GALNTL6: variants seen among roughly 807,000 people sequenced by gnomAD.
GALNTL6 encodes the protein polypeptide N-acetylgalactosaminyltransferase-like 6.
Under a neutral mutation model 73.7 loss-of-function variants are expected in GALNTL6, and 46 were observed. The ratio of observed to expected loss-of-function variants is 0.62; its 90% CI spans 0.49 to 0.80. GALNTL6 has a LOEUF of 0.80. Ranked by LOEUF, GALNTL6 falls within the 30% of genes least tolerant of loss-of-function variation. The pLI is 0.00. For synonymous variants in GALNTL6, 259 were observed against 263.7 expected, an observed-to-expected ratio of 0.98 and a Z score of 0.17; for missense variants, 604 against 755.0, an observed-to-expected ratio of 0.80 and a Z score of 2.34.
chr4:172,809,597 C>T lies in GALNTL6; in HGVS notation c.739+51C>T, dbSNP rs558173803. 1.5e-5 allele frequency: 21 copies of T among 1,437,658 alleles called. No individual in the cohort carries two copies. Among genetic ancestry groups the T allele is most frequent in the Admixed American group, 8.7e-5 (4 of 45,774 alleles). 89.1% of individuals were successfully genotyped at this position (1,437,658 alleles called of 1,614,324 possible). On this transcript the variant is annotated intron_variant, in intron 6 of 12. Transcript: ENST00000506823. This position sits in a 1 kb window ranked among gnomAD's most constrained non-coding sequence, Gnocchi z 4.4. ...CCTGGGATGCCTCAGGGGAACTGAG[C>T]GGTTTGCTTCTATTTAGTTTGCAAT...
chr4:172,179,886 A>T (rs1244039637), intron 2 of GALNTL6, among the ~76,000 whole-genome samples: 1 of 152,156 alleles, frequency 6.6e-6, no homozygotes, highest in Non-Finnish European at 1.5e-5. Context: ...TGCTATTGTG[A>T]ACAGTGCTGC....
At chr4:172,216,464 C>T (rs1293744609) in intron 2 of GALNTL6, among the ~76,000 whole-genome samples, 1 of 152,064 alleles carries the variant, frequency 6.6e-6, no homozygotes, top group Non-Finnish European at 1.5e-5. Context: ...CCTTCCCACC[C>T]ACTCTGACTT....
At chr4:172,186,350 T>C (rs1031760141) in intron 2 of GALNTL6, among the ~76,000 whole-genome samples, 4 of 152,174 alleles carry the variant, frequency 2.6e-5, no homozygotes, top group African/African-American at 9.6e-5. Flanking sequence ...TCAGCCACTG[T>C]AGAGAAAAGT....
chr4:172,003,626 A>G (rs536837925), intron 2 of GALNTL6, among the ~76,000 whole-genome samples: 2 of 152,112 alleles, frequency 1.3e-5, no homozygotes, highest in Non-Finnish European at 2.9e-5. Flanking sequence ...CCAATTTTCT[A>G]TGTCAGATAA....
chr4:172,642,367 T>TTA (rs140234284), intron 5 of GALNTL6, among the ~76,000 whole-genome samples: 85 of 152,032 alleles, frequency 5.6e-4, no homozygotes, highest in Admixed American at 3.3e-4. Context: ...AAAATGGTCA[T>TTA]TATATATATA....
chr4:172,858,388 G>A (rs1186122628), intron 7 of GALNTL6, among the ~76,000 whole-genome samples: 1 of 152,106 alleles, frequency 6.6e-6, no homozygotes, highest in Non-Finnish European at 1.5e-5. Flanking sequence ...AAGGTAAGGG[G>A]ACAGACATTA....
chr4:172,233,292 G>A (rs1168400643), intron 3 of GALNTL6, among the ~76,000 whole-genome samples: 1 of 151,440 alleles, frequency 6.6e-6, no homozygotes, highest in African/African-American at 2.4e-5. Context: ...AAGATCACTT[G>A]AGCCTGGAAT....
intron 3 of GALNTL6, among the ~76,000 whole-genome samples, chr4:172,231,532 T>C (rs1737070443): frequency 6.6e-6 from 1 of 152,178 alleles, no homozygotes; most frequent in Non-Finnish European, 1.5e-5. Flanking sequence ...TGTCAAATAA[T>C]AATAATTGGA....
At chr4:172,162,408 G>A (rs1734499042) in intron 2 of GALNTL6, among the ~76,000 whole-genome samples, 2 of 151,816 alleles carry the variant, frequency 1.3e-5, no homozygotes, top group Admixed American at 1.3e-4. Context: ...AATGTAAGGA[G>A]GATATTACAG....
At chr4:171,932,325 T>C (rs1016371734) in intron 2 of GALNTL6, among the ~76,000 whole-genome samples, 1 of 152,222 alleles carries the variant, frequency 6.6e-6, no homozygotes. Flanking sequence ...ATACATAACC[T>C]GGTACGTGCC....
intron 2 of GALNTL6, among the ~76,000 whole-genome samples, chr4:172,065,190 T>C (rs1235451923): frequency 6.6e-6 from 1 of 152,076 alleles, no homozygotes; most frequent in Non-Finnish European, 1.5e-5. Flanking sequence ...AGTTTCAAGA[T>C]AAAACTGCTT....
At chr4:172,663,699 C>T (rs1045901405) in intron 5 of GALNTL6, among the ~76,000 whole-genome samples, 5 of 152,108 alleles carry the variant, frequency 3.3e-5, no homozygotes, top group African/African-American at 1.2e-4. Context: ...GAGGCTGAGG[C>T]GGGTGGCTCA....
At chr4:172,583,464 A>G (rs1404542509) in intron 5 of GALNTL6, among the ~76,000 whole-genome samples, 1 of 152,236 alleles carries the variant, frequency 6.6e-6, no homozygotes, top group African/African-American at 2.4e-5. Context: ...TCTATGAGGC[A>G]GCTAATATTA....
intron 2 of GALNTL6, among the ~76,000 whole-genome samples, chr4:172,026,111 A>G (rs952989717): frequency 9.9e-5 from 15 of 152,050 alleles, no homozygotes; most frequent in Non-Finnish European, 2.1e-4. Context: ...CTAGATTTTT[A>G]AAAAATAAAG....
intron 2 of GALNTL6, among the ~76,000 whole-genome samples, chr4:171,901,217 G>C (rs1737083552): frequency 6.6e-6 from 1 of 152,180 alleles, no homozygotes; most frequent in Admixed American, 6.5e-5. Flanking sequence ...TATTTAAGAA[G>C]ATTGGGAAGG....
rs1734470115 is a variant in GALNTL6, at chr4:171,814,594, A to G, written c.14A>G (p.Gln5Arg). 3 of 1,614,058 alleles carry G rather than the reference A, an allele frequency of 1.9e-6. No individual in the cohort carries two copies. Among genetic ancestry groups the G allele is most frequent in the Non-Finnish European group, 2.5e-6 (3 of 1,179,990 alleles). ...TTACCATTTGCAATGAAGAGGAAAC[A>G]GAAGAGATTTCTGCAGATGACTTTG... MKRKQKRFLQMTLLF... is the reference protein window; with the variant it reads MKRKRKRFLQMTLLF... Residue 5 changes from glutamine (Q) to arginine (R), a missense_variant, in exon 2 of 13, where the codon CAG (glutamine) becomes CGG (arginine). Physicochemically the swap from Gln to Arg is conservative, Grantham distance 43. This residue lies in a region of GALNTL6 where 141 missense variants were observed against 156.6 expected (regional missense o/e 0.90). Transcript: ENST00000506823.
At chr4:172,333,726 G>A (rs1741211738) in intron 4 of GALNTL6, among the ~76,000 whole-genome samples, 1 of 152,112 alleles carries the variant, frequency 6.6e-6, no homozygotes, top group South Asian at 2.1e-4. Flanking sequence ...TTTGTCACCT[G>A]CGCTTTTGAG....
intron 2 of GALNTL6, among the ~76,000 whole-genome samples, chr4:171,988,827 G>A (rs1301709797): frequency 6.6e-6 from 1 of 152,116 alleles, no homozygotes; most frequent in Non-Finnish European, 1.5e-5. Flanking sequence ...GGTAAGGGGG[G>A]CATGATCGGT....
At chr4:172,093,959 A>G (rs1056637725) in intron 2 of GALNTL6, among the ~76,000 whole-genome samples, 1 of 152,172 alleles carries the variant, frequency 6.6e-6, no homozygotes, top group Non-Finnish European at 1.5e-5. Context: ...AATAAAGTGC[A>G]CAATAAATAT....
Sources: gnomAD v4.1 joint callset for allele counts (sites outside exome capture counted in the v4.1 genomes callset) on GRCh38, gnomAD v4.1.1 for gene constraint, gnomAD v4.1.1 regional missense constraint, Gnocchi (gnomAD v3.1) non-coding constraint, MANE v1.5 for transcripts, NCBI Gene and HGNC (gene_info 2026-07-23, HGNC 2026-07-21) for gene names.